The following GPC6 variants were observed in gnomAD, a reference collection of about 807,000 sequenced individuals.
GPC6 encodes glypican-6.
Under a neutral mutation model 55.2 loss-of-function variants are expected in GPC6, and 14 were observed. The ratio of observed to expected loss-of-function variants is 0.25; its 90% CI spans 0.17 to 0.40. The LOEUF is 0.40. GPC6 is among the 10% of genes least tolerant of loss of function. The pLI, the probability that GPC6 is intolerant of heterozygous loss-of-function variation, is 1.00. For synonymous variants in GPC6, 278 were observed against 259.6 expected, an observed-to-expected ratio of 1.07 and a Z score of -0.68; for missense variants, 641 against 708.5, an observed-to-expected ratio of 0.90 and a Z score of 1.08.
intron 3 of GPC6, among the ~76,000 whole-genome samples, chr13:93,988,202 A>G (rs1029101669): frequency 6.6e-6 from 1 of 152,128 alleles, no homozygotes; most frequent in Non-Finnish European, 1.5e-5. Flanking sequence ...AAAGTTTTCT[A>G]GGTGATTTTG....
chr13:93,852,941 A>C (rs1401331440), intron 3 of GPC6, among the ~76,000 whole-genome samples: 2 of 151,714 alleles, frequency 1.3e-5, no homozygotes, highest in East Asian at 3.9e-4. Context: ...GTATTTAATC[A>C]GTATTTTAAT....
At chr13:94,088,316 T>C (rs1323682414) in intron 4 of GPC6, among the ~76,000 whole-genome samples, 2 of 152,178 alleles carry the variant, frequency 1.3e-5, no homozygotes, top group Admixed American at 1.3e-4. Flanking sequence ...TAAGGAATTA[T>C]AATAATTTAA....
At chr13:93,491,947 G>T (rs1054100698) in intron 1 of GPC6, among the ~76,000 whole-genome samples, 15 of 115,110 alleles carry the variant, frequency 1.3e-4, no homozygotes, top group Admixed American at 3.5e-4. Flanking sequence ...TTTGAAGTCA[G>T]GTAGTGTGAT....
rs1198477443 is a variant in GPC6 at position 93,254,348 on chromosome 13, AAGATCCAT to A, written c.160+26737_160+26744del. Among the ~76,000 whole-genome samples, 6 of 152,306 alleles carry A rather than the reference AAGATCCAT, an allele frequency of 3.9e-5. No individual in the cohort carries two copies. In the South Asian group the frequency reaches 1.2e-3, roughly 32 times the overall value. On this transcript the variant is annotated intron_variant, in intron 1 of 8. Coordinates refer to ENST00000377047, the MANE Select transcript of GPC6 (RefSeq NM_005708.5). Reference sequence around the variant, plus strand: ...CTTATAAAAACAAAAATGAAAATGAAAGATCCATAGATAGTACAGCTACCATATTAAAG... The same window carrying A: ...CTTATAAAAACAAAAATGAAAATGAAAGATAGTACAGCTACCATATTAAAG...
intron 4 of GPC6, among the ~76,000 whole-genome samples, chr13:94,149,753 G>T (rs917987973): frequency 6.6e-6 from 1 of 151,954 alleles, no homozygotes; most frequent in African/African-American, 2.4e-5. Context: ...AATACAGGAA[G>T]GGTTAATACA....
intron 4 of GPC6, among the ~76,000 whole-genome samples, chr13:94,130,399 T>C (rs1886967275): frequency 6.6e-6 from 1 of 152,022 alleles, no homozygotes; most frequent in South Asian, 2.1e-4. Context: ...AAATCATAAT[T>C]CAGAAAGAAA....
At chr13:93,523,297 CAT>C (rs1491210047) in intron 1 of GPC6, among the ~76,000 whole-genome samples, 1 of 145,396 alleles carries the variant, frequency 6.9e-6, no homozygotes, top group Non-Finnish European at 1.5e-5. Flanking sequence ...GTGTAAATAA[CAT>C]ATAAGGGTAA....
At chr13:93,796,463 T>C (rs1416409081) in intron 2 of GPC6, among the ~76,000 whole-genome samples, 2 of 152,154 alleles carry the variant, frequency 1.3e-5, no homozygotes, top group African/African-American at 4.8e-5. Context: ...CTGTTTACTT[T>C]TAAAGAAATG....
At chr13:93,627,184 T>C (rs1014516836) in intron 2 of GPC6, among the ~76,000 whole-genome samples, 2 of 151,556 alleles carry the variant, frequency 1.3e-5, no homozygotes, top group African/African-American at 4.8e-5. Context: ...CCCTGGTGTG[T>C]GATGTTCCCC....
chr13:94,040,662 T>C (rs1231125543), intron 4 of GPC6, among the ~76,000 whole-genome samples: 1 of 151,852 alleles, frequency 6.6e-6, no homozygotes, highest in Non-Finnish European at 1.5e-5. Context: ...AGAACGATGA[T>C]TTCAGGTTGC....
chr13:93,612,532 C>CACACACACACACAG (rs1157485089), intron 2 of GPC6, among the ~76,000 whole-genome samples: 1 of 151,916 alleles, frequency 6.6e-6, no homozygotes, highest in South Asian at 2.1e-4. Context: ...CACACACACA[C>CACACACACACACAG]ACACACACAC....
rs541471362 is a variant in GPC6 at position 93,651,919 on chromosome 13, A to G, written c.319+106498A>G. ...CTGGGCATAGGGCCTGTACATCGGT[A>G]TCCATTAAATGCTCCCAGGTGATTC... On this transcript the variant is annotated intron_variant, in intron 2 of 8. Coordinates refer to ENST00000377047, the MANE Select transcript of GPC6 (RefSeq NM_005708.5). Among the ~76,000 whole-genome samples, 85 of 152,302 alleles carry G rather than the reference A, an allele frequency of 5.6e-4. No homozygotes were observed. The East Asian group carries it at 0.016, about 28-fold the overall frequency.
intron 1 of GPC6, among the ~76,000 whole-genome samples, chr13:93,258,979 A>G (rs1877045198): frequency 6.6e-6 from 1 of 152,004 alleles, no homozygotes; most frequent in Non-Finnish European, 1.5e-5. Context: ...AAACAACAAC[A>G]AAGCTTCCAT....
At chr13:94,229,812 A>G (rs1042048273) in intron 4 of GPC6, among the ~76,000 whole-genome samples, 2 of 152,238 alleles carry the variant, frequency 1.3e-5, no homozygotes, top group African/African-American at 2.4e-5. Flanking sequence ...TCACAAACAG[A>G]AAAGCATGAC....
At chr13:94,242,545 C>T (rs1372940201) in intron 4 of GPC6, among the ~76,000 whole-genome samples, 1 of 152,070 alleles carries the variant, frequency 6.6e-6, no homozygotes, top group Non-Finnish European at 1.5e-5. Context: ...ACATATACAC[C>T]ATGGAATACT....
At chr13:94,401,126 C>T (rs1881111977) in intron 8 of GPC6, among the ~76,000 whole-genome samples, 2 of 152,146 alleles carry the variant, frequency 1.3e-5, no homozygotes, top group South Asian at 4.1e-4. Context: ...AGTGAGGAAA[C>T]TGCAAAAGTT....
intron 4 of GPC6, among the ~76,000 whole-genome samples, chr13:94,043,410 T>G (rs1883611283): frequency 6.6e-6 from 1 of 151,880 alleles, no homozygotes; most frequent in Admixed American, 6.6e-5. Flanking sequence ...CAAAAAAGTT[T>G]CAAAAATAGT....
intron 2 of GPC6, among the ~76,000 whole-genome samples, chr13:93,746,775 C>T (rs938142663): frequency 7.9e-5 from 12 of 152,136 alleles, no homozygotes; most frequent in Non-Finnish European, 1.6e-4. Flanking sequence ...GGTGCAACAG[C>T]TGGGTTCAAA....
intron 3 of GPC6, among the ~76,000 whole-genome samples, chr13:93,881,504 A>AT (rs1436743920): frequency 1.3e-5 from 2 of 151,988 alleles, no homozygotes; most frequent in Non-Finnish European, 2.9e-5. Context: ...TAGGCTTGAC[A>AT]TTTTTCCAAG....
Sources: allele counts gnomAD v4.1 joint callset (sites outside exome capture counted in the v4.1 genomes callset), GRCh38; gene constraint gnomAD v4.1.1; transcripts MANE v1.5; gene names NCBI Gene and HGNC (gene_info 2026-07-23, HGNC 2026-07-21).